The following SHISAL1 variants were observed in gnomAD, a reference collection of about 807,000 sequenced individuals.
SHISAL1 encodes shisa like 1, also known as protein shisa-like-1.
In SHISAL1, 9 loss-of-function variants were observed where a neutral mutation model predicts 22.6. That is an observed-to-expected ratio of 0.40 (90% confidence interval 0.24 to 0.70). SHISAL1 has a LOEUF of 0.70. Among genes scored for constraint, SHISAL1 ranks in the 30% least tolerant of loss-of-function variants. The probability of loss-of-function intolerance (pLI) is 0.39; values close to 1 mark genes in which losing one functional copy is unlikely to be tolerated. For synonymous variants in SHISAL1, 119 were observed against 115.4 expected (o/e 1.03, Z -0.20); for missense variants, 246 against 270.6 (o/e 0.91, Z 0.64).
At chr22:44,287,243 C>T (rs1204004275) in intron 3 of SHISAL1, among the ~76,000 whole-genome samples, 4 of 152,242 alleles carry the variant, frequency 2.6e-5, no homozygotes, top group Admixed American at 6.5e-5. Context: ...CTTAGGTCAG[C>T]CCTGGCGCCA....
chr22:44,271,036 A>G (rs1601785232), intron 4 of SHISAL1, among the ~76,000 whole-genome samples: 1 of 152,138 alleles, frequency 6.6e-6, no homozygotes, highest in East Asian at 1.9e-4. Context: ...GAGACAAGAA[A>G]AGAGGATAGA....
At chr22:44,275,293 G>A (rs547203424) in intron 4 of SHISAL1, among the ~76,000 whole-genome samples, 1 of 152,262 alleles carries the variant, frequency 6.6e-6, no homozygotes, top group South Asian at 2.1e-4. Flanking sequence ...AACCCCGAAA[G>A]CAAACAAAAC....
the SHISAL1 span, among the ~76,000 whole-genome samples, chr22:44,319,778 A>G: frequency 6.6e-6 from 1 of 152,226 alleles, no homozygotes; most frequent in Admixed American, 6.5e-5. Context: ...AACAATCAGC[A>G]TTTGGCTCAA....
chr22:44,257,865 G>A (rs2055095322), intron 4 of SHISAL1, among the ~76,000 whole-genome samples: 2 of 152,196 alleles, frequency 1.3e-5, no homozygotes, highest in Non-Finnish European at 2.9e-5. Context: ...TTTAAGGCCA[G>A]GCACGGTGGC....
chr22:44,263,628 G>C (rs1309147555), intron 4 of SHISAL1, among the ~76,000 whole-genome samples: 1 of 152,210 alleles, frequency 6.6e-6, no homozygotes, highest in Non-Finnish European at 1.5e-5. Context: ...GGTCCTAAGT[G>C]AGGAAGGCAG....
intron 4 of SHISAL1, among the ~76,000 whole-genome samples, chr22:44,278,019 T>C (rs1195883072): frequency 6.6e-6 from 1 of 152,122 alleles, no homozygotes; most frequent in Non-Finnish European, 1.5e-5. Context: ...GTCAACTTGA[T>C]TGAAGGATGC....
At chr22:44,266,528 A>ATATG (rs1555926301) in intron 4 of SHISAL1, among the ~76,000 whole-genome samples, 3 of 108,418 alleles carry the variant, frequency 2.8e-5, no homozygotes, top group East Asian at 5.7e-4. Context: ...GCTTTGGGGT[A>ATATG]TGTGTGTGTG....
chr22:44,270,573 G>T (rs73888959), intron 4 of SHISAL1, among the ~76,000 whole-genome samples: 1 of 152,158 alleles, frequency 6.6e-6, no homozygotes, highest in Non-Finnish European at 1.5e-5. Context: ...CAGCAGTGCC[G>T]GGCAGGGAGG....
At chr22:44,262,919 C>T (rs537177528) in intron 4 of SHISAL1, among the ~76,000 whole-genome samples, 2 of 152,148 alleles carry the variant, frequency 1.3e-5, no homozygotes, top group South Asian at 2.1e-4. Context: ...TTCCCGCAGA[C>T]GAAAGCAGAG....
intron 4 of SHISAL1, among the ~76,000 whole-genome samples, chr22:44,259,054 C>G (rs1184060802): frequency 6.9e-6 from 1 of 145,796 alleles, no homozygotes; most frequent in Non-Finnish European, 1.5e-5. Flanking sequence ...AACCTGAGAA[C>G]ATCACACAAG....
At chr22:44,269,701 TCAC>T (rs1279254729) in intron 4 of SHISAL1, among the ~76,000 whole-genome samples, 2 of 142,448 alleles carry the variant, frequency 1.4e-5, no homozygotes, top group African/African-American at 5.3e-5. Flanking sequence ...AGCCACACAC[TCAC>T]AACACATACA....
rs951353838 is a variant in SHISAL1 at position 44,248,831 on chromosome 22, C to A, written c.*854G>T. 2.6e-5 allele frequency: 4 copies of A among 152,104 alleles called. No individual in the cohort carries two copies. The highest frequency in any genetic ancestry group is 9.7e-5 in the African/African-American group (4 of 41,388). The allele number at this position is 152,104 out of a possible 1,614,324, so 9.4% of individuals were successfully genotyped here. ...GCATGTCACGTCCAGGGAGTTGGAG[C>A]CTGGACTTTGGGTTCCGGCACCGCT... On this transcript the variant is annotated 3_prime_UTR_variant, in exon 5 of 5. Transcript: ENST00000381176.
At chr22:44,318,071 C>T in the SHISAL1 span, among the ~76,000 whole-genome samples, 2 of 152,228 alleles carry the variant, frequency 1.3e-5, no homozygotes, top group African/African-American at 4.8e-5. Flanking sequence ...GGCTGGCTGC[C>T]CCCCGACCCA....
In SHISAL1 at chr22:44,246,823, C is replaced by A. The variant is rs573432941; in HGVS notation, c.*2862G>T. On this transcript the variant is annotated 3_prime_UTR_variant, in exon 5 of 5. Coordinates refer to ENST00000381176, the MANE Select transcript of SHISAL1 (RefSeq NM_001099294.2). ...GAGGTTAAGTGGCTCGTGGGGGTGA[C>A]CTGCAGGAAGGAGGATGCCGTGGCT... is the stretch of plus-strand genomic sequence containing the variant. 6.5e-6 allele frequency: 1 copy of A among 152,692 alleles called. No individual in the cohort carries two copies. The highest frequency in any genetic ancestry group is 2.1e-4 in the South Asian group (1 of 4,832). 9.5% of individuals were successfully genotyped at this position (152,692 alleles called of 1,614,324 possible).
At chr22:44,281,950 G>T (rs944534416) in intron 4 of SHISAL1, among the ~76,000 whole-genome samples, 1 of 152,218 alleles carries the variant, frequency 6.6e-6, no homozygotes, top group Non-Finnish European at 1.5e-5. Flanking sequence ...ACGCGATTCG[G>T]CAGCACTTGG....
intron 4 of SHISAL1, among the ~76,000 whole-genome samples, chr22:44,273,190 G>A (rs2055216735): frequency 6.6e-6 from 1 of 152,146 alleles, no homozygotes; most frequent in South Asian, 2.1e-4. Flanking sequence ...AAATATACTA[G>A]CATTTGGACC....
At chr22:44,278,391 T>G (rs1408269034) in intron 4 of SHISAL1, among the ~76,000 whole-genome samples, 1 of 152,220 alleles carries the variant, frequency 6.6e-6, no homozygotes, top group Non-Finnish European at 1.5e-5. Flanking sequence ...ATATAGCTCC[T>G]GTTAGTTCTG....
upstream of SHISAL1, among the ~76,000 whole-genome samples, chr22:44,314,599 G>A (rs1381989818): frequency 6.6e-6 from 1 of 152,194 alleles, no homozygotes; most frequent in Non-Finnish European, 1.5e-5. Context: ...CGGGGTGAGG[G>A]CTGCCTGGAG....
intron 4 of SHISAL1, among the ~76,000 whole-genome samples, chr22:44,279,173 A>C (rs950144305): frequency 5.9e-5 from 9 of 152,196 alleles, no homozygotes; most frequent in African/African-American, 2.2e-4. Context: ...CTGTCCAAAC[A>C]AACGGAAAGC....
Sources: allele counts gnomAD v4.1 joint callset (sites outside exome capture counted in the v4.1 genomes callset), GRCh38; gene constraint gnomAD v4.1.1; transcripts MANE v1.5; gene names NCBI Gene and HGNC (gene_info 2026-07-23, HGNC 2026-07-21).